TBX5: variants seen among roughly 807,000 people sequenced by gnomAD.
TBX5 encodes T-box transcription factor TBX5.
TBX5 carries 8 observed loss-of-function variants against 51.1 expected under a neutral mutation model. The observed-to-expected ratio is 0.16, with a 90% CI of 0.09 to 0.28. TBX5 has a LOEUF of 0.28. Ranked by LOEUF, TBX5 falls within the 10% of genes least tolerant of loss-of-function variation. The pLI is 1.00. For missense variants in TBX5, 589 were observed against 671.7 expected (o/e 0.88, Z 1.36); for synonymous variants, 302 against 266.4 (o/e 1.13, Z -1.30).
At chr12:114,371,256 C>T (rs1004312425) in intron 7 of TBX5, among the ~76,000 whole-genome samples, 3 of 152,048 alleles carry the variant, frequency 2.0e-5, no homozygotes, top group African/African-American at 7.2e-5. Flanking sequence ...CAAGCTCTGA[C>T]AAGAGTCTGG....
At position 114,405,932 on chromosome 12, in the gene TBX5, C is replaced by T. The variant is rs1448354024; in HGVS notation, c.-343G>A. On this transcript the variant is annotated 5_prime_UTR_variant, in exon 1 of 9. Coordinates refer to ENST00000405440, the MANE Select transcript of TBX5 (RefSeq NM_181486.4). ...ACCGGCAACCATATAATCTCAGTGC[C>T]CCGCTCCTCCTTTACACCCCCAGGG... 4.1e-6 allele frequency: 4 copies of T among 985,350 alleles called. No homozygotes were observed. The highest frequency in any genetic ancestry group is 3.5e-5 in the African/African-American group (2 of 57,208). 61.0% of individuals were successfully genotyped at this position (985,350 alleles called of 1,614,324 possible). A position where few individuals can be genotyped will look rare whatever the true frequency, so the allele number is the denominator to read the frequency against.
At position 114,406,051 on chromosome 12, in the gene TBX5, TCTCA is replaced by T. The variant is rs1345160660; in HGVS notation, c.-466_-463del. 5.1e-6 allele frequency: 5 copies of T among 983,364 alleles called. No homozygotes were observed. Among genetic ancestry groups the T allele is most frequent in the East Asian group, 2.3e-4 (2 of 8,766 alleles). 60.9% of individuals were successfully genotyped at this position (983,364 alleles called of 1,614,324 possible). On this transcript the variant is annotated 5_prime_UTR_variant, in exon 1 of 9. Transcript: ENST00000405440. ...CGGATTCGAGGTAAGAGTCAGTCTC[TCTCA>T]CTCTCTCTCCCTCTCTCTCTCTCTC...
chr12:114,384,862 T>G (rs1593865794), intron 7 of TBX5, among the ~76,000 whole-genome samples: 3 of 152,270 alleles, frequency 2.0e-5, no homozygotes, highest in South Asian at 2.1e-4. Flanking sequence ...TCCACAAAAT[T>G]GGCAATGCTT....
At chr12:114,359,865 A>G (rs993632160) in intron 8 of TBX5, among the ~76,000 whole-genome samples, 1 of 152,156 alleles carries the variant, frequency 6.6e-6, no homozygotes, top group Admixed American at 6.5e-5. Flanking sequence ...TTGAGTTTTT[A>G]TCTTCCTTGC....
chr12:114,366,160 C>G lies in TBX5; in HGVS notation c.982+5G>C. ...AGCAAATTGACCAGGGGTGATCACACTCACCTTTCCTCTTGGTACAATGGT... is the reference window on the plus strand; with the variant it reads ...AGCAAATTGACCAGGGGTGATCACAGTCACCTTTCCTCTTGGTACAATGGT... On this transcript the variant is annotated splice_donor_5th_base_variant and intron_variant, in intron 8 of 8. Coordinates refer to ENST00000405440, the MANE Select transcript of TBX5 (RefSeq NM_181486.4). 6.2e-7 allele frequency: 1 copy of G among 1,613,688 alleles called. No homozygotes were observed. The highest frequency in any genetic ancestry group is 2.2e-5 in the East Asian group (1 of 44,880).
intron 6 of TBX5, among the ~76,000 whole-genome samples, chr12:114,386,295 C>T (rs887566847): frequency 6.6e-6 from 1 of 152,164 alleles, no homozygotes; most frequent in Non-Finnish European, 1.5e-5. Context: ...AGGCCCAGAA[C>T]TTTAATTTAA....
intron 6 of TBX5, among the ~76,000 whole-genome samples, chr12:114,392,198 A>G (rs1459290615): frequency 7.0e-6 from 1 of 143,424 alleles, no homozygotes; most frequent in Non-Finnish European, 1.5e-5. Context: ...AAAAAAAAAA[A>G]AATCACACAT....
intron 6 of TBX5, among the ~76,000 whole-genome samples, chr12:114,387,524 T>C (rs147086215): frequency 1.3e-5 from 2 of 152,286 alleles, no homozygotes; most frequent in East Asian, 1.9e-4. Context: ...GAGGGATGAA[T>C]AGGCAGAGCC....
intron 8 of TBX5, among the ~76,000 whole-genome samples, chr12:114,364,134 G>A (rs1251186666): frequency 1.3e-5 from 2 of 152,204 alleles, no homozygotes; most frequent in African/African-American, 2.4e-5. Context: ...CGCAAGATTG[G>A]TAAATGTCAA....
chr12:114,375,032 T>C (rs916304351), intron 7 of TBX5, among the ~76,000 whole-genome samples: 1 of 152,210 alleles, frequency 6.6e-6, no homozygotes, highest in Non-Finnish European at 1.5e-5. Flanking sequence ...TCTTCCATGT[T>C]TCTCACACGC....
Position 114,366,398 on chromosome 12 carries a change from G to A in TBX5, c.756-7C>T, listed in dbSNP as rs1258978287. On this transcript the variant is annotated splice_polypyrimidine_tract_variant and splice_region_variant and intron_variant, in intron 7 of 8. Transcript: ENST00000405440. The stretch of plus-strand genomic sequence containing the variant: ...GACCACGGGATATTCTTTACTGAAA[G>A]AGAAAAGATGGGAGATAACGCCTAT... The A allele has an allele frequency of 2.5e-6, 4 of 1,613,638 alleles. No homozygotes were observed. The African/African-American group carries it at 5.3e-5, about 22-fold the overall frequency.
At chr12:114,379,199 C>A (rs1326096729) in intron 7 of TBX5, among the ~76,000 whole-genome samples, 1 of 152,160 alleles carries the variant, frequency 6.6e-6, no homozygotes, top group Non-Finnish European at 1.5e-5. Flanking sequence ...ATAGCATGAC[C>A]CACCAATCAC....
At chr12:114,401,343 C>A (rs529108535) in intron 3 of TBX5, among the ~76,000 whole-genome samples, 1 of 152,282 alleles carries the variant, frequency 6.6e-6, no homozygotes, top group Non-Finnish European at 1.5e-5. Flanking sequence ...CAGAGTTTGA[C>A]AATCGGGTGG....
At chr12:114,388,240 C>T (rs759314790) in intron 6 of TBX5, among the ~76,000 whole-genome samples, 1 of 152,128 alleles carries the variant, frequency 6.6e-6, no homozygotes, top group Non-Finnish European at 1.5e-5. Context: ...TCACTGCAAC[C>T]TCCACCTCCC....
intron 8 of TBX5, among the ~76,000 whole-genome samples, chr12:114,357,965 T>C (rs190492573): frequency 7.5e-4 from 114 of 152,334 alleles, no homozygotes; most frequent in Admixed American, 2.0e-3. Context: ...ATTTATTGAG[T>C]ACCTACTACA....
intron 7 of TBX5, among the ~76,000 whole-genome samples, chr12:114,380,699 A>C (rs1218961853): frequency 6.6e-6 from 1 of 152,186 alleles, no homozygotes; most frequent in African/African-American, 2.4e-5. Context: ...GCATGGTGGT[A>C]TGCACCTGTA....
chr12:114,376,224 A>C (rs1221849464), intron 7 of TBX5, among the ~76,000 whole-genome samples: 3 of 152,082 alleles, frequency 2.0e-5, no homozygotes, highest in African/African-American at 7.2e-5. Context: ...AATCAGCCTG[A>C]GTATCCATGA....
At chr12:114,377,122 A>G (rs1870236397) in intron 7 of TBX5, among the ~76,000 whole-genome samples, 1 of 152,178 alleles carries the variant, frequency 6.6e-6, no homozygotes, top group Non-Finnish European at 1.5e-5. Context: ...TGGCTAGGTA[A>G]ATTACAACCC....
Position 114,403,732 on chromosome 12 carries a change from G to T in TBX5, c.147+20C>A. 6.2e-7 allele frequency: 1 copy of T among 1,611,664 alleles called. No homozygotes were observed. Among genetic ancestry groups the T allele is most frequent in the Non-Finnish European group, 8.5e-7 (1 of 1,179,782 alleles). Reference sequence around the variant, plus strand: ...GACTTTGATCTCTGCAAAGGGACCCGAAGCGCGAGGTCTCCTTACCTGCTG... The same window carrying T: ...GACTTTGATCTCTGCAAAGGGACCCTAAGCGCGAGGTCTCCTTACCTGCTG... On this transcript the variant is annotated intron_variant, in intron 2 of 8. Transcript: ENST00000405440.
Sources: allele counts gnomAD v4.1 joint callset (sites outside exome capture counted in the v4.1 genomes callset), GRCh38; gene constraint gnomAD v4.1.1; transcripts MANE v1.5; gene names NCBI Gene and HGNC (gene_info 2026-07-23, HGNC 2026-07-21).